USP9Y: variants seen among roughly 807,000 people sequenced by gnomAD.
USP9Y encodes ubiquitin carboxyl-terminal hydrolase 9Y.
Under a neutral mutation model 53.1 loss-of-function variants are expected in USP9Y, and 41 were observed. That is an observed-to-expected ratio of 0.77 (90% CI 0.60 to 1.00). The LOEUF (loss-of-function observed/expected upper bound fraction) is 1.00. USP9Y is among the 50% of genes least tolerant of loss of function. USP9Y has a pLI of 0.00. For missense variants in USP9Y, 567 were observed against 535.8 expected (o/e 1.06, Z -0.58); for synonymous variants, 220 against 173.7 (o/e 1.27, Z -2.09).
intron 40 of USP9Y, 82 bp downstream of exon 40, chrY:12,846,600 G>T (rs2053566722): frequency 3.6e-6 from 1 of 274,851 alleles, no homozygotes; most frequent in African/African-American, 7.4e-5. Context: ...AAGTAGCTCT[G>T]AAGATTTATA....
intron 1 of USP9Y, among the ~76,000 whole-genome samples, chrY:12,705,520 G>A (rs1219979768): frequency 9.6e-5 from 3 of 31,142 alleles, no homozygotes; most frequent in Non-Finnish European, 2.3e-4. Flanking sequence ...TGGGTAGAAA[G>A]TGAGTTAGGG....
chrY:12,734,447 T>G, intron 7 of USP9Y, among the ~76,000 whole-genome samples: 1 of 33,779 alleles, frequency 3.0e-5, no homozygotes, highest in Non-Finnish European at 7.3e-5. Flanking sequence ...ATTTTCTTGA[T>G]AGCTGTATAC....
In USP9Y at chrY:12,813,188, GT is replaced by G. The variant is rs2053533073; in HGVS notation, c.4609+138del. The G allele has an allele frequency of 1.8e-5, 3 of 163,047 alleles. No individual in the cohort carries two copies. In the African/African-American group the frequency reaches 2.6e-4, roughly 14 times the overall value. The allele number at this position is 163,047 out of a possible 400,897, so 40.7% of individuals were successfully genotyped here. A position where few individuals can be genotyped will look rare whatever the true frequency, so the allele number is the denominator to read the frequency against. ...TGAGTTTAACATTTTTTAGCTGTCA[GT>G]TATACAATTAAAACCACTTTAGTCA... is the stretch of plus-strand genomic sequence containing the variant. On this transcript the variant is annotated intron_variant, in intron 31 of 45. Coordinates refer to ENST00000338981, the MANE Select transcript of USP9Y (RefSeq NM_004654.4).
At chrY:12,752,460 CT>C (rs2053464964) in intron 12 of USP9Y, among the ~76,000 whole-genome samples, 1 of 31,433 alleles carries the variant, frequency 3.2e-5, no homozygotes, top group African/African-American at 1.2e-4. Context: ...GTCCATGAGG[CT>C]TTTTTTTTCT....
At position 12,816,308 on chromosome Y, in the gene USP9Y, C is replaced by G; in HGVS notation, c.4794C>G (p.His1598Gln). 2.5e-6 allele frequency: 1 copy of G among 398,440 alleles called. No individual in the cohort carries two copies. The highest frequency in any genetic ancestry group is 3.5e-6 in the Non-Finnish European group (1 of 283,285). The part of the protein sequence containing the change: ...LAIEGTGSDL[H>Q]DDMFGDEKQD... ...TTGAAGGCACAGGTAGTGATTTACA[C>G]GATGATATGTTCGGGGATGAGAAGC... The change falls in exon 32 of 46, where the codon CAC (histidine) becomes CAG (glutamine). Residue 1598 changes from histidine to glutamine, a missense_variant. Transcript: ENST00000338981.
intron 11 of USP9Y, among the ~76,000 whole-genome samples, chrY:12,739,117 A>G (rs2053454804): frequency 3.1e-5 from 1 of 32,462 alleles, no homozygotes; most frequent in Non-Finnish European, 7.6e-5. Flanking sequence ...TCACTTGGGG[A>G]GTATTGTTAG....
chrY:12,786,308 C>A lies in USP9Y; in HGVS notation c.3257C>A (p.Ala1086Asp). 1 of 398,238 alleles carries A rather than the reference C, an allele frequency of 2.5e-6. No individual in the cohort carries two copies. Among genetic ancestry groups the A allele is most frequent in the South Asian group, 3.0e-5 (1 of 33,737 alleles). The change falls in exon 23 of 46, where the codon GCC becomes GAC. Residue 1086 changes from alanine (A) to aspartate (D), a missense_variant. Ala to Asp is a moderately radical substitution (Grantham distance 126). Transcript: ENST00000338981. ...GACTCTCTTTTCTTTGGTCCTTCTG[C>A]CTCCCAAGTTCTATACCTAACAGAG... ...PLDSLFFGPS[A>D]SQVLYLTEVV...
intron 18 of USP9Y, 48 bp downstream of exon 18, chrY:12,775,614 G>C: frequency 4.0e-6 from 1 of 250,718 alleles, no homozygotes; most frequent in Non-Finnish European, 6.4e-6. Flanking sequence ...GGGTTAAGTT[G>C]TTGGGTAGTA....
In USP9Y at chrY:12,791,526, G is replaced by A; in HGVS notation, c.3715G>A (p.Val1239Ile). Residue 1239 changes from valine to isoleucine, a missense_variant, in exon 26 of 46, where the codon GTA becomes ATA. By Grantham distance (29) the Val-to-Ile change is conservative. Coordinates refer to ENST00000338981, the MANE Select transcript of USP9Y (RefSeq NM_004654.4). Reference protein sequence around the residue: ...EASRYMPDICVIRAIQKIIWA... With the variant: ...EASRYMPDICIIRAIQKIIWA... Reference sequence around the variant, plus strand: ...TTCAAGATATATGCCTGATATTTGTGTAATTAGGGCTATACAGAAAATTAT... The same window carrying A: ...TTCAAGATATATGCCTGATATTTGTATAATTAGGGCTATACAGAAAATTAT... 5.1e-6 allele frequency: 2 copies of A among 394,379 alleles called. No individual in the cohort carries two copies. The highest frequency in any genetic ancestry group is 7.1e-6 in the Non-Finnish European group (2 of 280,308).
intron 33 of USP9Y, among the ~76,000 whole-genome samples, chrY:12,820,535 G>T (rs2053540519): frequency 3.0e-5 from 1 of 33,829 alleles, no homozygotes. Flanking sequence ...TAGATTATAA[G>T]TACGATATGC....
At chrY:12,788,159 G>A (rs773712815) in intron 24 of USP9Y, among the ~76,000 whole-genome samples, 64 of 33,775 alleles carry the variant, frequency 1.9e-3, no homozygotes, top group Admixed American at 4.8e-3. Context: ...ATTAATCCTT[G>A]ATTACTATAA....
At chrY:12,748,658 C>A in intron 12 of USP9Y, among the ~76,000 whole-genome samples, 1 of 33,261 alleles carries the variant, frequency 3.0e-5, no homozygotes, top group Non-Finnish European at 7.4e-5. Flanking sequence ...GACCTAGTGA[C>A]TTTACTGAAG....
At chrY:12,769,828 C>T in intron 15 of USP9Y, among the ~76,000 whole-genome samples, 1 of 32,326 alleles carries the variant, frequency 3.1e-5, no homozygotes, top group Admixed American at 2.8e-4. Context: ...GAATCTTGCT[C>T]TATCACCTAG....
At position 12,860,624 on chromosome Y, in the gene USP9Y, G is replaced by T; in HGVS notation, c.*1208G>T. 3.0e-5 allele frequency: 1 copy of T among 32,958 alleles called. No homozygotes were observed. The allele number at this position is 32,958 out of a possible 400,897, so 8.2% of individuals were successfully genotyped here. ...AATGTAATTCTAAGGTACCATTTTA[G>T]AAAAAACATTTGTTTTAAGATTCCA... On this transcript the variant is annotated 3_prime_UTR_variant, in exon 46 of 46. Coordinates refer to ENST00000338981, the MANE Select transcript of USP9Y (RefSeq NM_004654.4).
intron 33 of USP9Y, among the ~76,000 whole-genome samples, chrY:12,820,791 ATACAT>A (rs2053540993): frequency 3.0e-5 from 1 of 33,692 alleles, no homozygotes; most frequent in African/African-American, 1.2e-4. Flanking sequence ...ACATAATTAT[ATACAT>A]TATAGAGGAA....
intron 33 of USP9Y, among the ~76,000 whole-genome samples, chrY:12,820,530 T>C (rs2053540458): frequency 2.9e-5 from 1 of 34,093 alleles, no homozygotes; most frequent in Non-Finnish European, 7.3e-5. Context: ...AAGCCTAGAT[T>C]ATAAGTACGA....
At chrY:12,774,050 A>C in intron 17 of USP9Y, 125 bp downstream of exon 17, 1 of 164,035 alleles carries the variant, frequency 6.1e-6, no homozygotes. Context: ...TGCTTGTCCT[A>C]GAAATCTAGG....
intron 11 of USP9Y, 124 bp from the exon 12 acceptor site, chrY:12,739,396 CAAATG>C (rs2053454904): frequency 7.9e-6 from 1 of 126,220 alleles, no homozygotes; most frequent in African/African-American, 9.3e-5. Context: ...GTTAATTACT[CAAATG>C]AAGTAGGAAT....
intron 33 of USP9Y, among the ~76,000 whole-genome samples, chrY:12,821,599 G>A: frequency 3.4e-5 from 1 of 29,685 alleles, no homozygotes; most frequent in East Asian, 8.5e-4. Context: ...CACCAAATTG[G>A]TTTCCAAAGC....
Sources: allele counts gnomAD v4.1 joint callset (sites outside exome capture counted in the v4.1 genomes callset), GRCh38; gene constraint gnomAD v4.1.1; transcripts MANE v1.5; gene names NCBI Gene and HGNC (gene_info 2026-07-23, HGNC 2026-07-21).